The following ATXN7L1 variants were observed in gnomAD, a reference collection of about 807,000 sequenced individuals.
ATXN7L1 encodes the protein ataxin-7-like protein 1.
Under a neutral mutation model 70.8 loss-of-function variants are expected in ATXN7L1, and 15 were observed. That is an observed-to-expected ratio of 0.21 (90% CI 0.14 to 0.33). ATXN7L1 has a LOEUF of 0.33. Ranked by LOEUF, ATXN7L1 falls within the 10% of genes least tolerant of loss-of-function variation. The pLI is 1.00. For synonymous variants in ATXN7L1, 440 were observed against 445.1 expected (o/e 0.99, Z 0.14); for missense variants, 975 against 1,097.1 (o/e 0.89, Z 1.57).
intron 2 of ATXN7L1, among the ~76,000 whole-genome samples, chr7:105,798,058 A>G (rs1376236503): frequency 6.6e-6 from 1 of 152,194 alleles, no homozygotes; most frequent in Non-Finnish European, 1.5e-5. Flanking sequence ...CCTAATATCC[A>G]TGCTGCTATC....
rs554709936 is a variant in ATXN7L1, at chr7:105,773,792, A to G, written c.355+14812T>C. ...CCCCCTAACAACTTAAAAAGGATGGAACGCAGGATCGTGGTAACATTGATC... is the reference window on the plus strand; with the variant it reads ...CCCCCTAACAACTTAAAAAGGATGGGACGCAGGATCGTGGTAACATTGATC... On this transcript the variant is annotated intron_variant, in intron 3 of 11. Coordinates refer to ENST00000419735, the MANE Select transcript of ATXN7L1 (RefSeq NM_020725.2). Among the ~76,000 whole-genome samples, 4 of 152,346 alleles carry G rather than the reference A, an allele frequency of 2.6e-5. No homozygotes were observed. In the East Asian group the frequency reaches 7.7e-4, roughly 29 times the overall value.
chr7:105,739,746 G>A (rs961455116), intron 3 of ATXN7L1, among the ~76,000 whole-genome samples: 1 of 152,184 alleles, frequency 6.6e-6, no homozygotes, highest in African/African-American at 2.4e-5. Context: ...TGGGCCTGAG[G>A]AATCAGCGTT....
At chr7:105,732,102 A>T (rs915655974) in intron 3 of ATXN7L1, among the ~76,000 whole-genome samples, 17 of 152,008 alleles carry the variant, frequency 1.1e-4, no homozygotes, top group Non-Finnish European at 2.2e-4. Flanking sequence ...CAAAAAACAA[A>T]ACAAAACAAA....
chr7:105,688,719 A>T (rs1232786544), intron 3 of ATXN7L1, among the ~76,000 whole-genome samples: 2 of 152,222 alleles, frequency 1.3e-5, no homozygotes, highest in East Asian at 3.9e-4. Flanking sequence ...AGTAACAGCA[A>T]GGTCAAGGTG....
At chr7:105,872,439 G>A (rs1427688791) in intron 2 of ATXN7L1, among the ~76,000 whole-genome samples, 5 of 151,970 alleles carry the variant, frequency 3.3e-5, no homozygotes, top group Non-Finnish European at 5.9e-5. Flanking sequence ...CAACAGATAA[G>A]TGGATAACAA....
At chr7:105,748,905 A>G (rs1798876851) in intron 3 of ATXN7L1, among the ~76,000 whole-genome samples, 1 of 152,166 alleles carries the variant, frequency 6.6e-6, no homozygotes, top group African/African-American at 2.4e-5. Flanking sequence ...AAAACTGCAA[A>G]CGAAAAGAGC....
chr7:105,685,716 G>A (rs1454891541), intron 3 of ATXN7L1, among the ~76,000 whole-genome samples: 1 of 152,172 alleles, frequency 6.6e-6, no homozygotes, highest in Non-Finnish European at 1.5e-5. Flanking sequence ...GTTACTTTTA[G>A]CTCCCCTACG....
At chr7:105,847,224 A>G (rs1814185701) in intron 2 of ATXN7L1, among the ~76,000 whole-genome samples, 1 of 152,212 alleles carries the variant, frequency 6.6e-6, no homozygotes. Flanking sequence ...GCACCTCTGA[A>G]GACCAGTTAC....
At chr7:105,796,531 G>A (rs998893113) in intron 2 of ATXN7L1, among the ~76,000 whole-genome samples, 3 of 152,128 alleles carry the variant, frequency 2.0e-5, no homozygotes, top group Non-Finnish European at 4.4e-5. Context: ...GTGGCTGACA[G>A]TGGTTTTGAT....
chr7:105,820,454 A>G (rs1237285120), intron 2 of ATXN7L1, among the ~76,000 whole-genome samples: 1 of 152,198 alleles, frequency 6.6e-6, no homozygotes, highest in Non-Finnish European at 1.5e-5. Context: ...AAGACCTCCA[A>G]GGCTCACCAG....
chr7:105,613,809 C>A, intron 10 of ATXN7L1, 53 bp downstream of exon 10: 1 of 1,551,534 alleles, frequency 6.4e-7, no homozygotes, highest in Non-Finnish European at 8.7e-7. Context: ...GGGCGCTGCC[C>A]AGCTCCCCCT....
chr7:105,728,953 T>G (rs1156769201), intron 3 of ATXN7L1, among the ~76,000 whole-genome samples: 10 of 152,140 alleles, frequency 6.6e-5, no homozygotes, highest in African/African-American at 2.2e-4. Context: ...GTCCATACTG[T>G]TATAAATGCA....
chr7:105,717,062 T>C (rs554172888), intron 3 of ATXN7L1, among the ~76,000 whole-genome samples: 180 of 152,284 alleles, frequency 1.2e-3, no homozygotes, highest in African/African-American at 4.2e-3. Context: ...AAAGTGATCA[T>C]ACTAAGCATT....
At chr7:105,709,466 G>A (rs539402377) in intron 3 of ATXN7L1, among the ~76,000 whole-genome samples, 1 of 152,284 alleles carries the variant, frequency 6.6e-6, no homozygotes, top group Non-Finnish European at 1.5e-5. Context: ...ACAAGGAGGA[G>A]TATATATGCA....
At chr7:105,751,510 C>T (rs1008343021) in intron 3 of ATXN7L1, among the ~76,000 whole-genome samples, 2 of 152,028 alleles carry the variant, frequency 1.3e-5, no homozygotes, top group African/African-American at 4.8e-5. Flanking sequence ...GTGGTGCATG[C>T]CTGTAGTTCC....
intron 3 of ATXN7L1, chr7:105,761,261 A>G: frequency 6.5e-7 from 1 of 1,537,860 alleles, no homozygotes; most frequent in Admixed American, 2.1e-5. Context: ...AGTGAATGGA[A>G]GCTTGTCCAC....
chr7:105,709,954 C>G (rs907610602), intron 3 of ATXN7L1, among the ~76,000 whole-genome samples: 1 of 151,814 alleles, frequency 6.6e-6, no homozygotes, highest in South Asian at 2.1e-4. Context: ...TTCACTGCAG[C>G]CTTCATCTCC....
At chr7:105,745,364 A>G (rs984026791) in intron 3 of ATXN7L1, among the ~76,000 whole-genome samples, 34 of 151,982 alleles carry the variant, frequency 2.2e-4, no homozygotes, top group African/African-American at 8.0e-4. Context: ...TCCACAATTG[A>G]TTACACTCTT....
At chr7:105,790,150 G>A (rs993487169) in intron 2 of ATXN7L1, among the ~76,000 whole-genome samples, 3 of 152,154 alleles carry the variant, frequency 2.0e-5, no homozygotes, top group South Asian at 2.1e-4. Context: ...GGGTTGGGGG[G>A]CCTGGAGGAA....
Sources: gnomAD v4.1 joint callset for allele counts (sites outside exome capture counted in the v4.1 genomes callset) on GRCh38, gnomAD v4.1.1 for gene constraint, MANE v1.5 for transcripts, NCBI Gene and HGNC (gene_info 2026-07-23, HGNC 2026-07-21) for gene names.